Variants in RPTN observed in about 807,000 individuals in gnomAD.
The protein encoded by RPTN is intermediate filament-associated protein.
In RPTN, 4 loss-of-function variants were observed where a neutral mutation model predicts 3.6. That is an observed-to-expected ratio of 1.12 (90% CI 0.55 to 2.55). The LOEUF (loss-of-function observed/expected upper bound fraction) is 2.55, where lower values mean the gene tolerates loss of function less well. Among genes scored for constraint, RPTN ranks in the 30% most tolerant of loss-of-function variants. The pLI, the probability that RPTN is intolerant of heterozygous loss-of-function variation, is 0.02. For synonymous variants in RPTN, 293 were observed against 319.3 expected (o/e 0.92, Z 0.88); for missense variants, 860 against 916.7 (o/e 0.94, Z 0.80).
chr1:152,154,787 C>T lies in RPTN; in HGVS notation c.2312G>A (p.Arg771Gln), dbSNP rs1373863773. ...THEDKQNRQR[R>Q]DRQTHEDEQN... ...CTCGTCTTCATGGGTTTGCCTGTCTCGTCTCTGACGGTTCTGCTTGTCTTC... is the reference window on the plus strand; with the variant it reads ...CTCGTCTTCATGGGTTTGCCTGTCTTGTCTCTGACGGTTCTGCTTGTCTTC... Residue 771 changes from arginine to glutamine, a missense_variant, in exon 3 of 3, where the codon CGA becomes CAA. By Grantham distance (43) the Arg-to-Gln change is conservative. Transcript: ENST00000316073. 1.1e-5 allele frequency: 18 copies of T among 1,613,746 alleles called. No homozygotes were observed. The highest frequency in any genetic ancestry group is 1.7e-5 in the Admixed American group (1 of 59,996).
intron 2 of RPTN, among the ~76,000 whole-genome samples, chr1:152,157,362 TG>T (rs1346464176): frequency 6.6e-6 from 1 of 152,200 alleles, no homozygotes; most frequent in Non-Finnish European, 1.5e-5. Context: ...ATAGAGCAGG[TG>T]CTCAGTGACT....
In RPTN at chr1:152,156,517, A is replaced by G. The variant is rs1557824772; in HGVS notation, c.582T>C (p.Phe194=). Residue 194 remains phenylalanine (F), a synonymous_variant, in exon 3 of 3, where the codon TTT becomes TTC. Coordinates refer to ENST00000316073, the MANE Select transcript of RPTN (RefSeq NM_001122965.1). ...QSERQDKDFS[F]DQSERQSQDS... ...CTTGACTTTGTCTCTCTGACTGATC[A>G]AAGCTGAAATCCTTGTCTTGTCTCT... 2 of 1,614,108 alleles carry G rather than the reference A, an allele frequency of 1.2e-6. No individual in the cohort carries two copies. Among genetic ancestry groups the G allele is most frequent in the Non-Finnish European group, 8.5e-7 (1 of 1,180,050 alleles).
chr1:152,154,549 T>C lies in RPTN; in HGVS notation c.*195A>G, dbSNP rs1272793783. ...CACTGCTCTGGGTTGGATAGAAGGA[T>C]GGTTCAGTGTGTCTTTTCTGTGAGC... On this transcript the variant is annotated 3_prime_UTR_variant, in exon 3 of 3. Coordinates refer to ENST00000316073, the MANE Select transcript of RPTN (RefSeq NM_001122965.1). The C allele has an allele frequency of 5.1e-6, 4 of 779,978 alleles. No homozygotes were observed. The Admixed American group carries it at 8.2e-5, about 16-fold the overall frequency. The allele number at this position is 779,978 out of a possible 1,614,324, so 48.3% of individuals were successfully genotyped here. A position where few individuals can be genotyped will look rare whatever the true frequency, so the allele number is the denominator to read the frequency against.
Position 152,155,233 on chromosome 1 carries a change from C to T in RPTN, c.1866G>A (p.Gln622=). Residue 622 remains glutamine (Q), a synonymous_variant, in exon 3 of 3, where the codon CAG becomes CAA. Coordinates refer to ENST00000316073, the MANE Select transcript of RPTN (RefSeq NM_001122965.1). ...TTTGGTACCCTTCCTGTCCTGGAGT[C>T]TGTTGACTTAGCCTCCCTGATCTTC... ...QSGRSGRLSQ[Q]TPGQEGYQNQ... 1 of 1,614,188 alleles carries T rather than the reference C, an allele frequency of 6.2e-7. No homozygotes were observed. The highest frequency in any genetic ancestry group is 1.3e-5 in the African/African-American group (1 of 75,054).
chr1:152,154,887 G>A lies in RPTN; in HGVS notation c.2212C>T (p.Gln738Ter). ...TGTCTGTCTCGTCTCTGATGGTTCT[G>A]CTCATCTTTATGGGTTCGCCTGTCC... ...TQDRRTHKDE[Q>*]NHQRRDRQTH... Residue 738 changes from glutamine (Q) to a stop codon, truncating the protein, a stop_gained, in exon 3 of 3, where the codon CAG becomes TAG. Coordinates refer to ENST00000316073, the MANE Select transcript of RPTN (RefSeq NM_001122965.1). LOFTEE classifies it low-confidence loss of function (END_TRUNC). 1 of 1,614,066 alleles carries A rather than the reference G, an allele frequency of 6.2e-7. No homozygotes were observed. The highest frequency in any genetic ancestry group is 8.5e-7 in the Non-Finnish European group (1 of 1,180,040).
At chr1:152,157,084 A>C in intron 2 of RPTN, 124 bp from the exon 3 acceptor site, 1 of 810,428 alleles carries the variant, frequency 1.2e-6, no homozygotes, top group Non-Finnish European at 1.9e-6. Flanking sequence ...AAAACCATTA[A>C]TCTGAAGTGG....
In RPTN at chr1:152,156,787, C is replaced by A; in HGVS notation, c.312G>T (p.Gly104=). The change falls in exon 3 of 3, where the codon GGG becomes GGT. Residue 104 remains glycine, a synonymous_variant. Transcript: ENST00000316073. ...ACTTACAGTCTTGTGCTCCTTCCTGCCCCCTTTCTTGCTGTGAGGTCCTGC... is the reference window on the plus strand; with the variant it reads ...ACTTACAGTCTTGTGCTCCTTCCTGACCCCTTTCTTGCTGTGAGGTCCTGC... The part of the protein sequence containing the change: ...HGGRTSQQER[G]QEGAQDCKFP... 6.2e-7 allele frequency: 1 copy of A among 1,614,180 alleles called. No individual in the cohort carries two copies. Among genetic ancestry groups the A allele is most frequent in the Non-Finnish European group, 8.5e-7 (1 of 1,180,028 alleles).
rs751065362 is a variant in RPTN at position 152,154,702 on chromosome 1, T to C, written c.*42A>G. On this transcript the variant is annotated 3_prime_UTR_variant, in exon 3 of 3. Coordinates refer to ENST00000316073, the MANE Select transcript of RPTN (RefSeq NM_001122965.1). The stretch of plus-strand genomic sequence containing the variant: ...TCTCCTCATAGTTTTGTCTATTATG[T>C]TGTTGCTGATGGTTTTGATCCTCTT... The C allele has an allele frequency of 6.2e-7, 1 of 1,604,868 alleles. No homozygotes were observed. Among genetic ancestry groups the C allele is most frequent in the South Asian group, 1.1e-5 (1 of 89,592 alleles).
In RPTN at chr1:152,155,730, G is replaced by A. The variant is rs781168986; in HGVS notation, c.1369C>T (p.Gln457Ter). 3 of 1,598,492 alleles carry A rather than the reference G, an allele frequency of 1.9e-6. No homozygotes were observed. The highest frequency in any genetic ancestry group is 3.4e-5 in the Admixed American group (2 of 59,000). Residue 457 changes from glutamine to a stop codon, truncating the protein, a stop_gained, in exon 3 of 3, where the codon CAA becomes TAA. Transcript: ENST00000316073. LOFTEE classifies it low-confidence loss of function (END_TRUNC). ...QNSHYGQTDR[Q>*]GQSSHYGQTD... is the part of the protein sequence containing the mutation. ...TGACCATAGTGGGAACTCTGGCCTT[G>A]TCTGTCTGTCTGACCATAGTGGGAA... is the stretch of plus-strand genomic sequence containing the variant.
rs1572172404 is a variant in RPTN at position 152,155,028 on chromosome 1, C to T, written c.2071G>A (p.Ala691Thr). ...TCACCATGACTCTGCCTGGTCTGGG[C>T]CTGTCTGTGGCCCTGCTCACTACTG... is the stretch of plus-strand genomic sequence containing the variant. The part of the protein sequence containing the change: ...SCSSEQGHRQ[A>T]QTRQSHGEGL... Residue 691 changes from alanine to threonine, a missense_variant, in exon 3 of 3, where the codon GCC (alanine) becomes ACC (threonine). Transcript: ENST00000316073. 7 of 1,614,042 alleles carry T rather than the reference C, an allele frequency of 4.3e-6. 1 individual carries two copies. The East Asian group carries it at 1.3e-4, about 31-fold the overall frequency.
chr1:152,156,959 C>G lies in RPTN; in HGVS notation c.140G>C (p.Arg47Thr), dbSNP rs1470182851. Residue 47 changes from arginine to threonine, a missense_variant and splice_region_variant, in exon 3 of 3, where the codon AGA becomes ACA. By Grantham distance (71) the Arg-to-Thr change is moderately conservative. Transcript: ENST00000316073. ...TTCCACAGTCTCTGGGTCATTTGGT[C>G]TCTGTTAGGAGATAAAACAAAGAGC... ...LLAEFGDILQRPNDPETVETI... is the reference protein window; with the variant it reads ...LLAEFGDILQTPNDPETVETI... 1 of 1,610,702 alleles carries G rather than the reference C, an allele frequency of 6.2e-7. No homozygotes were observed. The highest frequency in any genetic ancestry group is 1.3e-5 in the African/African-American group (1 of 74,940).
rs767014688 is a variant in RPTN, at chr1:152,155,058, A to C, written c.2041T>G (p.Ser681Ala). 10 of 1,613,924 alleles carry C rather than the reference A, an allele frequency of 6.2e-6. No homozygotes were observed. The African/African-American group carries it at 1.3e-4, about 22-fold the overall frequency. Residue 681 changes from serine to alanine, a missense_variant, in exon 3 of 3, where the codon TCA becomes GCA. Coordinates refer to ENST00000316073, the MANE Select transcript of RPTN (RefSeq NM_001122965.1). ...CTGTGGCCCTGCTCACTACTGCATG[A>C]TTGCCAGTCTCTCCCTTTGTGACAA... ...PLCHKGRDWQ[S>A]CSSEQGHRQA...
Position 152,154,724 on chromosome 1 carries a change from T to C in RPTN, c.*20A>G. 1 of 1,612,232 alleles carries C rather than the reference T, an allele frequency of 6.2e-7. No homozygotes were observed. The highest frequency in any genetic ancestry group is 8.5e-7 in the Non-Finnish European group (1 of 1,178,894). On this transcript the variant is annotated 3_prime_UTR_variant, in exon 3 of 3. Coordinates refer to ENST00000316073, the MANE Select transcript of RPTN (RefSeq NM_001122965.1). Reference sequence around the variant, plus strand: ...ATGTTGTTGCTGATGGTTTTGATCCTCTTCATGAGTTTGCCTGTCTCATCT... The same window carrying C: ...ATGTTGTTGCTGATGGTTTTGATCCCCTTCATGAGTTTGCCTGTCTCATCT...
Position 152,156,032 on chromosome 1 carries a change from T to A in RPTN, c.1067A>T (p.Asp356Val). ...MDRKGQCYHY[D>V]QTNRQGQGSH... is the part of the protein sequence containing the mutation. Reference sequence around the variant, plus strand: ...ACCCTGGCCTTGTCTGTTTGTCTGATCATAATGATAACACTGGCCTTTTCT... The same window carrying A: ...ACCCTGGCCTTGTCTGTTTGTCTGAACATAATGATAACACTGGCCTTTTCT... Residue 356 changes from aspartate (D) to valine (V), a missense_variant, in exon 3 of 3, where the codon GAT becomes GTT. Asp to Val is a radical substitution (Grantham distance 152, BLOSUM62 -3). Transcript: ENST00000316073. The A allele has an allele frequency of 1.2e-6, 2 of 1,609,760 alleles. No individual in the cohort carries two copies. The highest frequency in any genetic ancestry group is 1.7e-6 in the Non-Finnish European group (2 of 1,179,154).
intron 2 of RPTN, among the ~76,000 whole-genome samples, 177 bp from the exon 3 acceptor site, chr1:152,157,137 C>A (rs541017859): frequency 6.6e-6 from 1 of 152,182 alleles, no homozygotes; most frequent in Non-Finnish European, 1.5e-5. Context: ...TTCTCAGAAC[C>A]TTGCTGGATC....
At position 152,154,625 on chromosome 1, in the gene RPTN, C is replaced by G; in HGVS notation, c.*119G>C. On this transcript the variant is annotated 3_prime_UTR_variant, in exon 3 of 3. Coordinates refer to ENST00000316073, the MANE Select transcript of RPTN (RefSeq NM_001122965.1). ...GTGGAATTTTTCTCTGTTAGGACAG[C>G]TTCTGTGGGTCACTTGGGATTTTTG... 1 of 1,393,160 alleles carries G rather than the reference C, an allele frequency of 7.2e-7. No homozygotes were observed. The highest frequency in any genetic ancestry group is 9.8e-7 in the Non-Finnish European group (1 of 1,016,578). 86.3% of individuals were successfully genotyped at this position (1,393,160 alleles called of 1,614,324 possible).
chr1:152,158,593 T>C (rs1463820091), intron 1 of RPTN, among the ~76,000 whole-genome samples: 3 of 152,210 alleles, frequency 2.0e-5, no homozygotes, highest in East Asian at 1.9e-4. Context: ...TAGGTCCACA[T>C]TGGCCATGCT....
intron 2 of RPTN, 24 bp from the exon 3 acceptor site, chr1:152,156,984 C>T: frequency 6.3e-7 from 1 of 1,590,562 alleles, no homozygotes; most frequent in Non-Finnish European, 8.6e-7. Context: ...AAACAAAGAG[C>T]AAAATCAGAT....
In RPTN at chr1:152,155,871, C is replaced by G. The variant is rs1659189205; in HGVS notation, c.1228G>C (p.Gly410Arg). 1 of 1,612,026 alleles carries G rather than the reference C, an allele frequency of 6.2e-7. No homozygotes were observed. Among genetic ancestry groups the G allele is most frequent in the African/African-American group, 1.3e-5 (1 of 74,854 alleles). ...SSHYGQTERQ[G>R]QSSHYSQMDR... is the part of the protein sequence containing the mutation. ...ATCTGACTGTAGTGGGAACTCTGGC[C>G]TTGTCTCTCTGTCTGACCATAGTGA... The change falls in exon 3 of 3, where the codon GGC becomes CGC. Residue 410 changes from glycine to arginine, a missense_variant. Physicochemically the swap from Gly to Arg is moderately radical, Grantham distance 125. Coordinates refer to ENST00000316073, the MANE Select transcript of RPTN (RefSeq NM_001122965.1).
Sources: allele counts gnomAD v4.1 joint callset (sites outside exome capture counted in the v4.1 genomes callset), GRCh38; gene constraint gnomAD v4.1.1; transcripts MANE v1.5; gene names NCBI Gene and HGNC (gene_info 2026-07-23, HGNC 2026-07-21).